Variants in SLC25A33 observed in about 807,000 individuals in gnomAD.
The protein encoded by SLC25A33 is bone marrow stromal cell mitochondrial carrier protein.
A neutral mutation model predicts 35.5 loss-of-function variants in SLC25A33; 15 were observed. The ratio of observed to expected loss-of-function variants is 0.42; its 90% CI spans 0.28 to 0.65. The LOEUF (loss-of-function observed/expected upper bound fraction) is 0.65, where lower values mean the gene tolerates loss of function less well. Ranked by LOEUF, SLC25A33 falls within the 30% of genes least tolerant of loss-of-function variation. The pLI is 0.20. For synonymous variants in SLC25A33, 136 were observed against 148.7 expected (o/e 0.91, Z 0.62); for missense variants, 257 against 398.5 (o/e 0.64, Z 3.02).
At position 9,544,818 on chromosome 1, in the gene SLC25A33, G is replaced by C. The variant is rs370729456; in HGVS notation, c.56+5071G>C. 2.6e-5 allele frequency among the ~76,000 whole-genome samples: 4 copies of C among 152,306 alleles called. No individual in the cohort carries two copies. In the Middle Eastern group the frequency reaches 0.01, roughly 389 times the overall value. On this transcript the variant is annotated intron_variant, in intron 1 of 6. Coordinates refer to ENST00000302692, the MANE Select transcript of SLC25A33 (RefSeq NM_032315.3). ...AAAGAGCATACAGGCCTTGGTTTTA[G>C]TGCCCGATATGCATGTATGCATAGG...
intron 2 of SLC25A33, among the ~76,000 whole-genome samples, chr1:9,564,528 C>T (rs1205774966): frequency 6.6e-6 from 1 of 151,470 alleles, no homozygotes; most frequent in Non-Finnish European, 1.5e-5. Flanking sequence ...AAGTGTCCAT[C>T]GATGGGTGAA....
chr1:9,570,424 G>C, intron 4 of SLC25A33, 66 bp downstream of exon 4: 1 of 1,348,790 alleles, frequency 7.4e-7, no homozygotes. Context: ...CATTGTGCCA[G>C]TTTTTCCAGG....
chr1:9,576,809 C>T, intron 5 of SLC25A33: 2 of 1,232,426 alleles, frequency 1.6e-6, no homozygotes, highest in Non-Finnish European at 2.3e-6. Context: ...CCAGGTGTTG[C>T]TTGTTCAGTA....
intron 3 of SLC25A33, 138 bp from the exon 4 acceptor site, chr1:9,570,120 G>C (rs1400373456): frequency 4.7e-6 from 3 of 644,704 alleles, no homozygotes; most frequent in African/African-American, 3.7e-5. Context: ...TTTGGTTTTA[G>C]CACAGGCGAG....
chr1:9,553,924 T>G (rs1229414874), intron 2 of SLC25A33, 119 bp downstream of exon 2: 2 of 1,157,048 alleles, frequency 1.7e-6, no homozygotes, highest in Non-Finnish European at 2.4e-6. Flanking sequence ...GGTCCTAACT[T>G]AAGAATTAGA....
intron 5 of SLC25A33, among the ~76,000 whole-genome samples, chr1:9,575,573 C>T (rs1299173913): frequency 2.0e-5 from 3 of 152,110 alleles, no homozygotes; most frequent in Non-Finnish European, 4.4e-5. Flanking sequence ...CGAGATCACA[C>T]CACTGCACTT....
At chr1:9,575,821 C>T (rs547575895) in intron 5 of SLC25A33, among the ~76,000 whole-genome samples, 63 of 152,340 alleles carry the variant, frequency 4.1e-4, no homozygotes, top group African/African-American at 1.5e-3. Context: ...CTTGTTCAGA[C>T]TCTTTTGATG....
At position 9,578,300 on chromosome 1, in the gene SLC25A33, T is replaced by C. The variant is rs1296195223; in HGVS notation, c.483-1654T>C. Among the ~76,000 whole-genome samples, 2 of 152,124 alleles carry C rather than the reference T, an allele frequency of 1.3e-5. No individual in the cohort carries two copies. The highest frequency in any genetic ancestry group is 2.1e-4 in the South Asian group (1 of 4,826). On this transcript the variant is annotated intron_variant, in intron 5 of 6. Coordinates refer to ENST00000302692, the MANE Select transcript of SLC25A33 (RefSeq NM_032315.3). The surrounding 1 kb of genome is among the most constrained non-coding windows in gnomAD (Gnocchi z 4.3). ...GCCGCTAAGGAGCGGGAACAGTCTATGCGGAGATAATAAAGAAGGGAGAGA... is the reference window on the plus strand; with the variant it reads ...GCCGCTAAGGAGCGGGAACAGTCTACGCGGAGATAATAAAGAAGGGAGAGA...
At chr1:9,574,939 T>G (rs759755662) in intron 5 of SLC25A33, among the ~76,000 whole-genome samples, 1 of 151,830 alleles carries the variant, frequency 6.6e-6, no homozygotes, top group Non-Finnish European at 1.5e-5. Context: ...GTAGGCCGGG[T>G]GCGGTGGCTC....
intron 2 of SLC25A33, among the ~76,000 whole-genome samples, chr1:9,567,013 G>A (rs932698804): frequency 6.6e-5 from 10 of 151,942 alleles, no homozygotes; most frequent in African/African-American, 2.4e-4. Flanking sequence ...GGGCAACAGA[G>A]CGAGACTCCA....
At chr1:9,573,501 T>C (rs555686368) in intron 5 of SLC25A33, 89 bp downstream of exon 5, 3 of 1,035,656 alleles carry the variant, frequency 2.9e-6, no homozygotes, top group South Asian at 2.7e-5. Context: ...AAGGATGAGA[T>C]ATAGAGATGT....
At chr1:9,569,263 A>G (rs909429947) in intron 3 of SLC25A33, among the ~76,000 whole-genome samples, 6 of 151,852 alleles carry the variant, frequency 4.0e-5, no homozygotes, top group Admixed American at 6.6e-5. Flanking sequence ...AAAAAAACAC[A>G]GATCACCTGG....
At chr1:9,580,307 TTCTGAGGCGCAC>T in intron 6 of SLC25A33, 73 bp downstream of exon 6, 2 of 1,550,102 alleles carry the variant, frequency 1.3e-6, no homozygotes, top group Non-Finnish European at 1.7e-6. Context: ...ATATCTAGAC[TTCTGAGGCGCAC>T]ATTGAGGCGC....
intron 4 of SLC25A33, among the ~76,000 whole-genome samples, chr1:9,570,702 GTTTTTTTT>G (rs35547370): frequency 1.0e-5 from 1 of 100,066 alleles, no homozygotes; most frequent in African/African-American, 4.0e-5. Context: ...GATAGATATA[GTTTTTTTT>G]TTTTTTTTTT....
intron 2 of SLC25A33, among the ~76,000 whole-genome samples, chr1:9,558,508 G>T (rs948075005): frequency 6.6e-6 from 1 of 152,174 alleles, no homozygotes. Context: ...TGACAGCTTG[G>T]ATGTTTATTA....
chr1:9,548,981 T>C (rs1191911930), intron 1 of SLC25A33, among the ~76,000 whole-genome samples: 4 of 152,154 alleles, frequency 2.6e-5, no homozygotes, highest in African/African-American at 9.7e-5. Context: ...TTTACTATTA[T>C]TGTCCCCAAC....
At chr1:9,548,010 G>T (rs1034350609) in intron 1 of SLC25A33, among the ~76,000 whole-genome samples, 3 of 151,932 alleles carry the variant, frequency 2.0e-5, no homozygotes, top group Non-Finnish European at 4.4e-5. Flanking sequence ...GAGTAGCTGG[G>T]ACTACAGGTG....
In SLC25A33 at chr1:9,577,599, A is replaced by G. The variant is rs9430156; in HGVS notation, c.483-2355A>G. ...CGCTGGAGAAGGGAGTTATGGAAGA[A>G]TAAGGCTGGAGGAGCAGGGGAGCCC... On this transcript the variant is annotated intron_variant, in intron 5 of 6. Coordinates refer to ENST00000302692, the MANE Select transcript of SLC25A33 (RefSeq NM_032315.3). Among the ~76,000 whole-genome samples, 450 of 152,310 alleles carry G rather than the reference A, an allele frequency of 3.0e-3. 6 individuals are homozygous for G. Among genetic ancestry groups the G allele is most frequent in the East Asian group, 0.024 (123 of 5,182 alleles).
intron 6 of SLC25A33, among the ~76,000 whole-genome samples, chr1:9,581,805 G>A (rs565161734): frequency 2.0e-5 from 3 of 151,902 alleles, no homozygotes; most frequent in Non-Finnish European, 4.4e-5. Context: ...TCCTAGAGTT[G>A]GAAAAGGTTC....
Sources: allele counts gnomAD v4.1 joint callset (sites outside exome capture counted in the v4.1 genomes callset), GRCh38; gene constraint gnomAD v4.1.1; non-coding constraint Gnocchi (gnomAD v3.1); transcripts MANE v1.5; gene names NCBI Gene and HGNC (gene_info 2026-07-23, HGNC 2026-07-21).